Variants in PIP observed in about 807,000 individuals in gnomAD.
PIP encodes the protein prolactin-inducible protein.
Under a neutral mutation model 12.8 loss-of-function variants are expected in PIP, and 9 were observed. The ratio of observed to expected loss-of-function variants is 0.70; its 90% CI spans 0.42 to 1.23. The LOEUF (loss-of-function observed/expected upper bound fraction) is 1.23. Ranked by LOEUF, PIP falls within the 50% of genes most tolerant of loss-of-function variation. The probability of loss-of-function intolerance (pLI) is 0.00; values close to 1 mark genes in which losing one functional copy is unlikely to be tolerated. For missense variants in PIP, 172 were observed against 179.5 expected (o/e 0.96, Z 0.24); for synonymous variants, 60 against 66.1 (o/e 0.91, Z 0.45).
chr7:143,137,467 TGAA>T (rs2116571116), intron 2 of PIP, among the ~76,000 whole-genome samples: 1 of 152,288 alleles, frequency 6.6e-6, no homozygotes, highest in South Asian at 2.1e-4. Flanking sequence ...TTACTTAGCT[TGAA>T]GAAGTACATT....
intron 1 of PIP, among the ~76,000 whole-genome samples, chr7:143,134,233 T>TATATATAAAA (rs1277832613): frequency 4.7e-4 from 41 of 86,378 alleles, no homozygotes; most frequent in African/African-American, 1.8e-3. Context: ...TATATATATA[T>TATATATAAAA]ACCACAGTTT....
chr7:143,139,669 C>G lies in PIP; in HGVS notation c.*27C>G, dbSNP rs749850660. 6.3e-7 allele frequency: 1 copy of G among 1,590,124 alleles called. No homozygotes were observed. Among genetic ancestry groups the G allele is most frequent in the Non-Finnish European group, 8.6e-7 (1 of 1,161,436 alleles). ...GGAAGCCCTGTCTGTTTGCCACACC[C>G]AGGTGATTTCCTCTAAAGAAACTTG... On this transcript the variant is annotated 3_prime_UTR_variant, in exon 4 of 4. Coordinates refer to ENST00000291009, the MANE Select transcript of PIP (RefSeq NM_002652.3).
chr7:143,134,526 G>C (rs1268936114), intron 1 of PIP, among the ~76,000 whole-genome samples: 4 of 151,718 alleles, frequency 2.6e-5, no homozygotes, highest in Non-Finnish European at 5.9e-5. Flanking sequence ...AACATCTACT[G>C]TTTTATGATT....
At position 143,135,242 on chromosome 7, in the gene PIP, A is replaced by C; in HGVS notation, c.144A>C (p.Pro48=). The change falls in exon 2 of 4, where the codon CCA becomes CCC. Residue 48 remains proline (P), a synonymous_variant. Transcript: ENST00000291009. The part of the protein sequence containing the change: ...KNFDIPKSVR[P]NDEVTAVLAV... ...TTGACATTCCCAAGTCAGTACGTCC[A>C]AATGACGAAGTCACTGCAGTGCTTG... 6.2e-7 allele frequency: 1 copy of C among 1,604,370 alleles called. No homozygotes were observed.
At chr7:143,133,219 C>T (rs747509429) in intron 1 of PIP, among the ~76,000 whole-genome samples, 1 of 151,990 alleles carries the variant, frequency 6.6e-6, no homozygotes, top group Non-Finnish European at 1.5e-5. Flanking sequence ...TGCCCTCCCC[C>T]GCCACCTCCA....
chr7:143,139,646 A>G lies in PIP; in HGVS notation c.*4A>G, dbSNP rs2116574228. On this transcript the variant is annotated 3_prime_UTR_variant, in exon 4 of 4. Coordinates refer to ENST00000291009, the MANE Select transcript of PIP (RefSeq NM_002652.3). ...TGAAATCCTAAAGGTAGAATAATGG[A>G]AGCCCTGTCTGTTTGCCACACCCAG... 20 of 1,606,240 alleles carry G rather than the reference A, an allele frequency of 1.2e-5. No homozygotes were observed. Among genetic ancestry groups the G allele is most frequent in the Non-Finnish European group, 1.7e-5 (20 of 1,173,542 alleles).
At chr7:143,133,757 A>G (rs1799268801) in intron 1 of PIP, among the ~76,000 whole-genome samples, 1 of 152,010 alleles carries the variant, frequency 6.6e-6, no homozygotes, top group African/African-American at 2.4e-5. Flanking sequence ...AGGATCTTCA[A>G]AGATGCTCCT....
chr7:143,138,178 G>A (rs375236786), intron 2 of PIP, among the ~76,000 whole-genome samples: 27 of 152,118 alleles, frequency 1.8e-4, no homozygotes, highest in Non-Finnish European at 1.8e-4. Flanking sequence ...CTCTGGATCC[G>A]TGCAATGATA....
At chr7:143,134,663 G>A (rs1168740478) in intron 1 of PIP, among the ~76,000 whole-genome samples, 1 of 151,936 alleles carries the variant, frequency 6.6e-6, no homozygotes, top group African/African-American at 2.4e-5. Context: ...TCCTAATAAT[G>A]ACTTGAGCCC....
At chr7:143,138,320 T>C (rs1168271273) in intron 2 of PIP, among the ~76,000 whole-genome samples, 3 of 152,006 alleles carry the variant, frequency 2.0e-5, no homozygotes, top group Non-Finnish European at 4.4e-5. Context: ...TGCATATTTT[T>C]CCCCTGCCTG....
intron 2 of PIP, among the ~76,000 whole-genome samples, chr7:143,138,491 A>C (rs1251608474): frequency 6.6e-6 from 1 of 152,148 alleles, no homozygotes; most frequent in Non-Finnish European, 1.5e-5. Flanking sequence ...ACTCAAGTTA[A>C]AAAGAAATTT....
At chr7:143,135,135 C>T in intron 1 of PIP, 59 bp from the exon 2 acceptor site, 1 of 849,696 alleles carries the variant, frequency 1.2e-6, no homozygotes. Context: ...CATGGCTCCC[C>T]CCTCACTCAA....
At chr7:143,134,189 T>C (rs1226579921) in intron 1 of PIP, among the ~76,000 whole-genome samples, 62 of 6,024 alleles carry the variant, frequency 0.01, no homozygotes, top group African/African-American at 0.034. Flanking sequence ...CCATCATATA[T>C]ATATATATAT....
At chr7:143,133,701 C>T (rs1270818708) in intron 1 of PIP, among the ~76,000 whole-genome samples, 1 of 152,000 alleles carries the variant, frequency 6.6e-6, no homozygotes, top group African/African-American at 2.4e-5. Flanking sequence ...TCCTAAGGAG[C>T]TAAATAAATA....
At chr7:143,134,119 T>C (rs58005368) in intron 1 of PIP, among the ~76,000 whole-genome samples, 1,803 of 144,536 alleles carry the variant, frequency 0.012, 46 homozygotes, top group African/African-American at 0.041. Context: ...GTCTCCAATC[T>C]CATACAGGTC....
chr7:143,136,113 T>A (rs972460589), intron 2 of PIP, among the ~76,000 whole-genome samples: 4 of 151,996 alleles, frequency 2.6e-5, no homozygotes, highest in Non-Finnish European at 5.9e-5. Context: ...TCAAATAGAC[T>A]TATGCAGTTA....
At position 143,139,380 on chromosome 7, in the gene PIP, C is replaced by A. The variant is rs950501697; in HGVS notation, c.317-138C>A. The A allele has an allele frequency of 4.8e-5, 55 of 1,137,938 alleles. No homozygotes were observed. In the African/African-American group the frequency reaches 8.0e-4, roughly 17 times the overall value. The allele number at this position is 1,137,938 out of a possible 1,614,324, so 70.5% of individuals were successfully genotyped here. ...GGTTCTAAGACAGAGGCATTGAGTG[C>A]AAAAAGTTGATACAGGAGACAAATT... On this transcript the variant is annotated intron_variant, in intron 3 of 3. Transcript: ENST00000291009.
rs963785605 is a variant in PIP at position 143,139,656 on chromosome 7, T to G, written c.*14T>G. 2 of 1,602,798 alleles carry G rather than the reference T, an allele frequency of 1.2e-6. No homozygotes were observed. The highest frequency in any genetic ancestry group is 1.7e-6 in the Non-Finnish European group (2 of 1,170,816). ...AAGGTAGAATAATGGAAGCCCTGTC[T>G]GTTTGCCACACCCAGGTGATTTCCT... On this transcript the variant is annotated 3_prime_UTR_variant, in exon 4 of 4. Coordinates refer to ENST00000291009, the MANE Select transcript of PIP (RefSeq NM_002652.3).
Position 143,135,231 on chromosome 7 carries a change from T to C in PIP, c.133T>C (p.Ser45Pro), listed in dbSNP as rs914423096. ...IIIKNFDIPKSVRPNDEVTAV... is the reference protein window; with the variant it reads ...IIIKNFDIPKPVRPNDEVTAV... ...AATAAAGAATTTTGACATTCCCAAG[T>C]CAGTACGTCCAAATGACGAAGTCAC... is the stretch of plus-strand genomic sequence containing the variant. Residue 45 changes from serine (S) to proline (P), a missense_variant, in exon 2 of 4, where the codon TCA (serine) becomes CCA (proline). Transcript: ENST00000291009. The C allele has an allele frequency of 1.9e-6, 3 of 1,599,324 alleles. No homozygotes were observed. The highest frequency in any genetic ancestry group is 1.3e-5 in the African/African-American group (1 of 74,860).
Sources: gnomAD v4.1 joint callset for allele counts (sites outside exome capture counted in the v4.1 genomes callset) on GRCh38, gnomAD v4.1.1 for gene constraint, MANE v1.5 for transcripts, NCBI Gene and HGNC (gene_info 2026-07-23, HGNC 2026-07-21) for gene names.